Variants in CDC42EP2 observed in about 807,000 individuals in gnomAD.
CDC42EP2 encodes the protein CDC42 effector protein 2, also known as CDC42 effector protein (Rho GTPase binding) 2.
CDC42EP2 carries 5 observed loss-of-function variants against 7.3 expected under a neutral mutation model. The ratio of observed to expected loss-of-function variants is 0.68; its 90% CI spans 0.36 to 1.44. CDC42EP2 has a LOEUF of 1.44. Among genes scored for constraint, CDC42EP2 ranks in the 40% most tolerant of loss-of-function variants. The probability of loss-of-function intolerance (pLI) is 0.04; values close to 1 mark genes in which losing one functional copy is unlikely to be tolerated. For missense variants in CDC42EP2, 251 were observed against 282.6 expected (o/e 0.89, Z 0.80); for synonymous variants, 113 against 123.6 (o/e 0.91, Z 0.57).
rs1331894188 is a variant in CDC42EP2, at chr11:65,315,694, G to C, written c.-356+740G>C. ...CGGGGGAGGGGCGCTGGAGACCCCG[G>C]TGCGCTCTCGGAGTCCTCCGGGACA... On this transcript the variant is annotated intron_variant, in intron 1 of 1. Transcript: ENST00000279249. This position sits in a 1 kb window ranked among gnomAD's most constrained non-coding sequence, Gnocchi z 4.1. 1.3e-5 allele frequency among the ~76,000 whole-genome samples: 2 copies of C among 152,236 alleles called. No homozygotes were observed. Among genetic ancestry groups the C allele is most frequent in the Non-Finnish European group, 2.9e-5 (2 of 68,032 alleles).
intron 1 of CDC42EP2, among the ~76,000 whole-genome samples, chr11:65,316,060 G>C (rs1949946706): frequency 6.6e-6 from 1 of 152,176 alleles, no homozygotes; most frequent in Admixed American, 6.5e-5. Context: ...CCCTTTAGTG[G>C]TGGCTTCGTT....
rs917380382 is a variant in CDC42EP2, at chr11:65,315,663, G to T, written c.-356+709G>T. Reference sequence around the variant, plus strand: ...GCAGCTCCTTGGGGACCGCCTGCCTGGAGCCCGGGGGAGGGGCGCTGGAGA... The same window carrying T: ...GCAGCTCCTTGGGGACCGCCTGCCTTGAGCCCGGGGGAGGGGCGCTGGAGA... On this transcript the variant is annotated intron_variant, in intron 1 of 1. Transcript: ENST00000279249. The surrounding 1 kb of genome is among the most constrained non-coding windows in gnomAD (Gnocchi z 4.1). Among the ~76,000 whole-genome samples, 1 of 152,240 alleles carries T rather than the reference G, an allele frequency of 6.6e-6. No homozygotes were observed. Among genetic ancestry groups the T allele is most frequent in the African/African-American group, 2.4e-5 (1 of 41,478 alleles).
chr11:65,318,285 C>T (rs574917382), intron 1 of CDC42EP2, among the ~76,000 whole-genome samples: 2 of 150,448 alleles, frequency 1.3e-5, no homozygotes, highest in Non-Finnish European at 3.0e-5. Flanking sequence ...GACGGAGACT[C>T]TCTCTGTTGC....
chr11:65,321,787 G>T lies in CDC42EP2; in HGVS notation c.*256G>T, dbSNP rs1184749438. 2.2e-6 allele frequency: 1 copy of T among 461,754 alleles called. No individual in the cohort carries two copies. The highest frequency in any genetic ancestry group is 4.0e-6 in the Non-Finnish European group (1 of 247,610). The allele number at this position is 461,754 out of a possible 1,614,324, so 28.6% of individuals were successfully genotyped here. Reference sequence around the variant, plus strand: ...CGCCCTGAGCATCTTGGGGCACCTGGACCCCATCACAATACTCCTTCTTCC... The same window carrying T: ...CGCCCTGAGCATCTTGGGGCACCTGTACCCCATCACAATACTCCTTCTTCC... On this transcript the variant is annotated 3_prime_UTR_variant, in exon 2 of 2. Coordinates refer to ENST00000279249, the MANE Select transcript of CDC42EP2 (RefSeq NM_006779.4). The surrounding 1 kb of genome is among the most constrained non-coding windows in gnomAD (Gnocchi z 4.4).
chr11:65,320,636 C>A lies in CDC42EP2; in HGVS notation c.-263C>A, dbSNP rs1250144536. The A allele has an allele frequency of 3.9e-5, 19 of 482,138 alleles. No individual in the cohort carries two copies. The highest frequency in any genetic ancestry group is 6.8e-5 in the Non-Finnish European group (18 of 265,620). 29.9% of individuals were successfully genotyped at this position (482,138 alleles called of 1,614,324 possible). A position where few individuals can be genotyped will look rare whatever the true frequency, so the allele number is the denominator to read the frequency against. On this transcript the variant is annotated 5_prime_UTR_variant, in exon 2 of 2. Transcript: ENST00000279249. The stretch of plus-strand genomic sequence containing the variant: ...AGTTCCTACCTTTCTGGCTTCAATT[C>A]TTCAGAAGAGTTTGCCGTCCTTTGG...
rs149327064 is a variant in CDC42EP2 at position 65,316,751 on chromosome 11, T to C, written c.-356+1797T>C. On this transcript the variant is annotated intron_variant, in intron 1 of 1. Transcript: ENST00000279249. ...GGTCTTGCAGTTGCCAAATCTAAAT[T>C]CCTGGGGCGTGAGGGTTGTAATTCC... Among the ~76,000 whole-genome samples the C allele has an allele frequency of 2.7e-3, 411 of 152,206 alleles. 4 individuals carry two copies. The highest frequency in any genetic ancestry group is 9.3e-3 in the African/African-American group (388 of 41,516).
chr11:65,316,195 G>A (rs889454568), intron 1 of CDC42EP2, among the ~76,000 whole-genome samples: 1 of 152,130 alleles, frequency 6.6e-6, no homozygotes, highest in African/African-American at 2.4e-5. Flanking sequence ...GAGAAGAGGG[G>A]GTGTGAGGTG....
Position 65,315,472 on chromosome 11 carries a change from C to A in CDC42EP2, c.-356+518C>A, listed in dbSNP as rs1949943065. ...GCCCGAGCTCTGGCCCTGTGCCGAG[C>A]GGACACTAGGACATCGCCCAGGCCG... On this transcript the variant is annotated intron_variant, in intron 1 of 1. Coordinates refer to ENST00000279249, the MANE Select transcript of CDC42EP2 (RefSeq NM_006779.4). The surrounding 1 kb of genome is among the most constrained non-coding windows in gnomAD (Gnocchi z 4.1). Among the ~76,000 whole-genome samples the A allele has an allele frequency of 6.6e-6, 1 of 152,204 alleles. No homozygotes were observed. Among genetic ancestry groups the A allele is most frequent in the Non-Finnish European group, 1.5e-5 (1 of 68,024 alleles).
In CDC42EP2 at chr11:65,320,771, T is replaced by C. The variant is rs1477540150; in HGVS notation, c.-128T>C. 6 of 934,204 alleles carry C rather than the reference T, an allele frequency of 6.4e-6. No individual in the cohort carries two copies. Among genetic ancestry groups the C allele is most frequent in the Non-Finnish European group, 4.8e-6 (3 of 631,214 alleles). 57.9% of individuals were successfully genotyped at this position (934,204 alleles called of 1,614,324 possible). On this transcript the variant is annotated 5_prime_UTR_variant, in exon 2 of 2. Coordinates refer to ENST00000279249, the MANE Select transcript of CDC42EP2 (RefSeq NM_006779.4). Reference sequence around the variant, plus strand: ...CCCCCACACTGTAGCCAGAAGCCCGTTGGCGAGCTCTGGCACCTGCAAACC... The same window carrying C: ...CCCCCACACTGTAGCCAGAAGCCCGCTGGCGAGCTCTGGCACCTGCAAACC...
At chr11:65,316,016 C>T (rs1264155806) in intron 1 of CDC42EP2, among the ~76,000 whole-genome samples, 3 of 152,220 alleles carry the variant, frequency 2.0e-5, no homozygotes, top group Admixed American at 2.0e-4. Flanking sequence ...CATTGGCGCT[C>T]TCACCTGCAA....
rs562367775 is a variant in CDC42EP2, at chr11:65,320,391, A to T, written c.-355-153A>T. 3.3e-5 allele frequency among the ~76,000 whole-genome samples: 5 copies of T among 152,174 alleles called. No homozygotes were observed. In the South Asian group the frequency reaches 1.0e-3, roughly 32 times the overall value. Reference sequence around the variant, plus strand: ...GAGGCTGAGGCAGAAGAATTGCTTGAACCTGGGAGGTGGAGGCTGCAGTGA... The same window carrying T: ...GAGGCTGAGGCAGAAGAATTGCTTGTACCTGGGAGGTGGAGGCTGCAGTGA... On this transcript the variant is annotated intron_variant, in intron 1 of 1. Transcript: ENST00000279249.
chr11:65,318,983 G>A (rs1949961361), intron 1 of CDC42EP2, among the ~76,000 whole-genome samples: 2 of 147,466 alleles, frequency 1.4e-5, no homozygotes, highest in South Asian at 2.1e-4. Flanking sequence ...CAGGGAGGCA[G>A]GTAGGTAGTC....
At chr11:65,317,899 T>TTA (rs1949954992) in intron 1 of CDC42EP2, among the ~76,000 whole-genome samples, 1 of 152,196 alleles carries the variant, frequency 6.6e-6, no homozygotes, top group South Asian at 2.1e-4. Flanking sequence ...CTTTTCATAT[T>TTA]TATATATATT....
chr11:65,321,327 G>C lies in CDC42EP2; in HGVS notation c.429G>C (p.Gln143His), dbSNP rs1329176834. 16 of 1,613,788 alleles carry C rather than the reference G, an allele frequency of 9.9e-6. No individual in the cohort carries two copies. The highest frequency in any genetic ancestry group is 1.4e-5 in the Non-Finnish European group (16 of 1,179,978). The stretch of plus-strand genomic sequence containing the variant: ...TGGAGACCCCTCAGCCTTCCCCACA[G>C]GAGGGAGGGAGTGTGGACATCTGGA... The part of the protein sequence containing the change: ...LHLETPQPSP[Q>H]EGGSVDIWRI... The change falls in exon 2 of 2, where the codon CAG (glutamine) becomes CAC (histidine). Residue 143 changes from glutamine (Q) to histidine (H), a missense_variant. Physicochemically the swap from Gln to His is conservative, Grantham distance 24. Coordinates refer to ENST00000279249, the MANE Select transcript of CDC42EP2 (RefSeq NM_006779.4). This position sits in a 1 kb window ranked among gnomAD's most constrained non-coding sequence, Gnocchi z 4.4.
intron 1 of CDC42EP2, among the ~76,000 whole-genome samples, chr11:65,317,775 T>G (rs1308512290): frequency 6.6e-6 from 1 of 152,144 alleles, no homozygotes; most frequent in South Asian, 2.1e-4. Context: ...TACATAAATA[T>G]GTGCATATAA....
chr11:65,321,485 T>C lies in CDC42EP2; in HGVS notation c.587T>C (p.Leu196Pro). Residue 196 changes from leucine to proline, a missense_variant, in exon 2 of 2, where the codon CTG (leucine) becomes CCG (proline). By Grantham distance (98) the Leu-to-Pro change is moderately conservative. Coordinates refer to ENST00000279249, the MANE Select transcript of CDC42EP2 (RefSeq NM_006779.4). This position sits in a 1 kb window ranked among gnomAD's most constrained non-coding sequence, Gnocchi z 4.4. ...GGGCCTTCCATCCTGGATGATGTCC[T>C]GCAGATCATGGATCAGGACCTGGAC... Reference protein sequence around the residue: ...DLGPSILDDVLQIMDQDLDSM... With the variant: ...DLGPSILDDVPQIMDQDLDSM... 1.9e-6 allele frequency: 3 copies of C among 1,613,624 alleles called. No homozygotes were observed. Among genetic ancestry groups the C allele is most frequent in the Non-Finnish European group, 2.5e-6 (3 of 1,179,936 alleles).
At chr11:65,317,317 G>C (rs1490176802) in intron 1 of CDC42EP2, 1 of 152,412 alleles carries the variant, frequency 6.6e-6, no homozygotes, top group Non-Finnish European at 1.5e-5. Flanking sequence ...TCCTGAGCAA[G>C]GGCCTCAGCT....
In CDC42EP2 at chr11:65,321,278, C is replaced by T. The variant is rs1310809809; in HGVS notation, c.380C>T (p.Pro127Leu). The change falls in exon 2 of 2, where the codon CCA becomes CTA. Residue 127 changes from proline to leucine, a missense_variant. Physicochemically the swap from Pro to Leu is moderately conservative, Grantham distance 98. Transcript: ENST00000279249. The surrounding 1 kb of genome is among the most constrained non-coding windows in gnomAD (Gnocchi z 4.4). ...QALTLPTAQA[P>L]PKPPRLHLET... ...CTCACCCTGCCCACAGCCCAGGCTC[C>T]ACCCAAGCCCCCTCGCCTGCACCTG... The T allele has an allele frequency of 1.9e-6, 3 of 1,614,028 alleles. No individual in the cohort carries two copies. Among genetic ancestry groups the T allele is most frequent in the East Asian group, 2.2e-5 (1 of 44,870 alleles).
chr11:65,317,768 A>G (rs1949954580), intron 1 of CDC42EP2, among the ~76,000 whole-genome samples: 2 of 148,948 alleles, frequency 1.3e-5, no homozygotes, highest in Non-Finnish European at 2.9e-5. Flanking sequence ...TTCTGACTAC[A>G]TAAATATGTG....
Sources: gnomAD v4.1 joint callset for allele counts (sites outside exome capture counted in the v4.1 genomes callset) on GRCh38, gnomAD v4.1.1 for gene constraint, Gnocchi (gnomAD v3.1) non-coding constraint, MANE v1.5 for transcripts, NCBI Gene and HGNC (gene_info 2026-07-23, HGNC 2026-07-21) for gene names.